The following ILDR1 variants were observed in gnomAD, a reference collection of about 807,000 sequenced individuals.
The protein encoded by ILDR1 is immunoglobulin like domain containing receptor 1.
A neutral mutation model predicts 62.4 loss-of-function variants in ILDR1; 56 were observed. That is an observed-to-expected ratio of 0.90 (90% CI 0.72 to 1.12). The LOEUF (loss-of-function observed/expected upper bound fraction) is 1.12, where lower values mean the gene tolerates loss of function less well. Ranked by LOEUF, ILDR1 falls within the 50% of genes most tolerant of loss-of-function variation. ILDR1 has a pLI of 0.00. For missense variants in ILDR1, 736 were observed against 710.6 expected (o/e 1.04, Z -0.41); for synonymous variants, 284 against 277.8 (o/e 1.02, Z -0.22).
the ILDR1 span, among the ~76,000 whole-genome samples, chr3:122,052,079 A>G: frequency 6.6e-6 from 1 of 152,000 alleles, no homozygotes; most frequent in Non-Finnish European, 1.5e-5. Context: ...CTACATGGAA[A>G]CCAGTCCCTT....
chr3:122,001,170 A>G, intron 5 of ILDR1, 138 bp downstream of exon 5: 1 of 1,006,718 alleles, frequency 9.9e-7, no homozygotes, highest in Middle Eastern at 3.0e-4. Context: ...GGCTGAGGCT[A>G]ATGTCCTCTG....
chr3:121,997,389 G>C (rs2071452325), intron 5 of ILDR1, among the ~76,000 whole-genome samples: 1 of 152,154 alleles, frequency 6.6e-6, no homozygotes, highest in Non-Finnish European at 1.5e-5. Context: ...TCCCAACCAG[G>C]CAATTGACCT....
intron 4 of ILDR1, 93 bp from the exon 5 acceptor site, chr3:122,001,547 C>G: frequency 6.6e-7 from 1 of 1,518,330 alleles, no homozygotes; most frequent in South Asian, 1.1e-5. Flanking sequence ...ATAAACACAG[C>G]TCTTGACCTA....
At chr3:122,024,949 G>A (rs892743978), upstream of ILDR1, among the ~76,000 whole-genome samples, 3 of 152,192 alleles carry the variant, frequency 2.0e-5, no homozygotes, top group African/African-American at 7.2e-5. Context: ...CTCTACATAA[G>A]GGAAAACTGA....
intron 2 of ILDR1, 106 bp downstream of exon 2, chr3:122,006,885 C>T (rs1314835591): frequency 8.1e-7 from 1 of 1,231,734 alleles, no homozygotes; most frequent in Non-Finnish European, 1.2e-6. Context: ...TGTGTCTTCT[C>T]CTCACTACCA....
chr3:122,024,608 A>G (rs1333500292), upstream of ILDR1, among the ~76,000 whole-genome samples: 1 of 152,188 alleles, frequency 6.6e-6, no homozygotes, highest in Non-Finnish European at 1.5e-5. Flanking sequence ...TTTATTATGT[A>G]CTATGTACCA....
the ILDR1 span, among the ~76,000 whole-genome samples, chr3:122,050,474 T>TA: frequency 6.6e-6 from 1 of 152,094 alleles, no homozygotes; most frequent in Non-Finnish European, 1.5e-5. Context: ...TAAAACAGCT[T>TA]ATAGATATAA....
chr3:122,047,405 G>T, the ILDR1 span, among the ~76,000 whole-genome samples: 1 of 152,272 alleles, frequency 6.6e-6, no homozygotes, highest in Non-Finnish European at 1.5e-5. Context: ...GGAGCCTACA[G>T]AGACAGGCAG....
At chr3:122,059,150 G>T in the ILDR1 span, among the ~76,000 whole-genome samples, 1 of 152,086 alleles carries the variant, frequency 6.6e-6, no homozygotes, top group African/African-American at 2.4e-5. Flanking sequence ...ATATTTAGGT[G>T]CAAGTTCAAA....
At chr3:122,050,225 T>A in the ILDR1 span, among the ~76,000 whole-genome samples, 2 of 152,216 alleles carry the variant, frequency 1.3e-5, no homozygotes, top group Non-Finnish European at 2.9e-5. Flanking sequence ...TCAACTGTGC[T>A]ATGTCATTTG....
intron 1 of ILDR1, among the ~76,000 whole-genome samples, chr3:122,008,588 CTTTTCTTTTTTTT>C (rs1384650212): frequency 4.5e-5 from 3 of 66,448 alleles, no homozygotes; most frequent in African/African-American, 1.1e-4. Flanking sequence ...CTTTTCTTTT[CTTTTCTTTTTTTT>C]TTTTTTTTTT....
intron 1 of ILDR1, among the ~76,000 whole-genome samples, chr3:122,019,192 G>C (rs1232798890): frequency 1.3e-5 from 2 of 152,078 alleles, no homozygotes; most frequent in Non-Finnish European, 2.9e-5. Context: ...AGCCAACAAT[G>C]GTACTTACTT....
At chr3:122,052,372 T>C in the ILDR1 span, among the ~76,000 whole-genome samples, 1 of 152,180 alleles carries the variant, frequency 6.6e-6, no homozygotes, top group Non-Finnish European at 1.5e-5. Context: ...CCATGTCCCC[T>C]AGGGATAGGC....
the ILDR1 span, among the ~76,000 whole-genome samples, chr3:122,058,352 A>G: frequency 6.6e-6 from 1 of 152,298 alleles, no homozygotes; most frequent in Middle Eastern, 3.4e-3. Flanking sequence ...GGAGTGACTG[A>G]TGACAGTGGG....
At chr3:122,059,924 A>G in the ILDR1 span, among the ~76,000 whole-genome samples, 2 of 152,146 alleles carry the variant, frequency 1.3e-5, no homozygotes, top group African/African-American at 4.8e-5. Context: ...CCAGAGAGAA[A>G]GGCTCGCAAC....
At chr3:122,054,003 T>G in the ILDR1 span, among the ~76,000 whole-genome samples, 2 of 152,220 alleles carry the variant, frequency 1.3e-5, no homozygotes, top group Non-Finnish European at 2.9e-5. Context: ...TAACTTATAT[T>G]ATTGCTGTCT....
chr3:122,047,324 C>G, the ILDR1 span, among the ~76,000 whole-genome samples: 2 of 152,236 alleles, frequency 1.3e-5, no homozygotes, highest in Non-Finnish European at 2.9e-5. Context: ...CTCTTCAAAG[C>G]TGTCAGAGAG....
At chr3:122,017,571 T>C (rs2107678299) in intron 1 of ILDR1, among the ~76,000 whole-genome samples, 1 of 152,248 alleles carries the variant, frequency 6.6e-6, no homozygotes, top group East Asian at 1.9e-4. Context: ...TAGAATTCAA[T>C]TAAACAAGAC....
the ILDR1 span, among the ~76,000 whole-genome samples, chr3:122,028,451 C>A: frequency 6.6e-6 from 1 of 151,600 alleles, no homozygotes; most frequent in African/African-American, 2.4e-5. Flanking sequence ...TATTCTCATT[C>A]AACTATATTA....
Sources: gnomAD v4.1 joint callset for allele counts (sites outside exome capture counted in the v4.1 genomes callset) on GRCh38, gnomAD v4.1.1 for gene constraint, MANE v1.5 for transcripts, NCBI Gene and HGNC (gene_info 2026-07-23, HGNC 2026-07-21) for gene names.